Variants in THSD7B observed in about 807,000 individuals in gnomAD.
THSD7B encodes the protein thrombospondin type-1 domain-containing protein 7B.
THSD7B carries 138 observed loss-of-function variants against 213.6 expected under a neutral mutation model. The ratio of observed to expected loss-of-function variants is 0.65; its 90% CI spans 0.56 to 0.74. THSD7B has a LOEUF of 0.74. Ranked by LOEUF, THSD7B falls within the 30% of genes least tolerant of loss-of-function variation. The pLI, the probability that THSD7B is intolerant of heterozygous loss-of-function variation, is 0.00. For synonymous variants in THSD7B, 742 were observed against 687.0 expected (o/e 1.08, Z -1.25); for missense variants, 1,931 against 1,991.5 (o/e 0.97, Z 0.58).
At chr2:136,907,003 G>A (rs1364860955) in intron 2 of THSD7B, among the ~76,000 whole-genome samples, 2 of 127,264 alleles carry the variant, frequency 1.6e-5, no homozygotes, top group Non-Finnish European at 3.1e-5. Context: ...GGAGTGCAGT[G>A]GTGTGATCTT....
intron 1 of THSD7B, among the ~76,000 whole-genome samples, chr2:136,843,390 T>C (rs539019343): frequency 2.0e-5 from 3 of 152,244 alleles, no homozygotes; most frequent in Non-Finnish European, 4.4e-5. Context: ...AATGGAATCG[T>C]ATTCGTGAAT....
At chr2:137,329,069 A>C (rs1289477558) in intron 12 of THSD7B, among the ~76,000 whole-genome samples, 2 of 152,214 alleles carry the variant, frequency 1.3e-5, no homozygotes, top group African/African-American at 4.8e-5. Flanking sequence ...TAACTTTGGA[A>C]CTGGGTAACA....
intron 2 of THSD7B, among the ~76,000 whole-genome samples, chr2:137,050,998 G>T (rs1249353846): frequency 1.3e-5 from 2 of 152,132 alleles, no homozygotes; most frequent in Non-Finnish European, 2.9e-5. Flanking sequence ...AGTTATTAAT[G>T]ATCATGATTG....
At chr2:137,478,924 C>T (rs1688246971) in intron 15 of THSD7B, among the ~76,000 whole-genome samples, 1 of 152,168 alleles carries the variant, frequency 6.6e-6, no homozygotes, top group African/African-American at 2.4e-5. Flanking sequence ...TCAAGTAGGC[C>T]AACCCTTGGA....
intron 2 of THSD7B, among the ~76,000 whole-genome samples, chr2:136,994,093 G>A (rs1685835882): frequency 6.6e-6 from 1 of 152,138 alleles, no homozygotes; most frequent in Non-Finnish European, 1.5e-5. Flanking sequence ...CATCACAGAT[G>A]ACTTGCCTCT....
intron 7 of THSD7B, among the ~76,000 whole-genome samples, chr2:137,184,906 G>T (rs1347394066): frequency 6.6e-6 from 1 of 152,162 alleles, no homozygotes; most frequent in East Asian, 1.9e-4. Context: ...CTCCCAAAAT[G>T]AAATTATTGG....
At chr2:136,973,285 T>C (rs1685432075) in intron 2 of THSD7B, among the ~76,000 whole-genome samples, 1 of 152,186 alleles carries the variant, frequency 6.6e-6, no homozygotes, top group African/African-American at 2.4e-5. Flanking sequence ...CGCTTTCCTT[T>C]CAAGTGTATA....
intron 21 of THSD7B, among the ~76,000 whole-genome samples, chr2:137,646,625 T>G (rs896313645): frequency 1.4e-5 from 2 of 146,232 alleles, no homozygotes; most frequent in Non-Finnish European, 3.0e-5. Context: ...GCACTCCAGC[T>G]TAGGTAACAA....
chr2:137,378,834 G>A (rs1023377041), intron 12 of THSD7B, among the ~76,000 whole-genome samples: 1 of 152,118 alleles, frequency 6.6e-6, no homozygotes, highest in African/African-American at 2.4e-5. Context: ...ATTCCCTCCT[G>A]GACTTAGCCA....
At chr2:137,494,982 A>G (rs983429016) in intron 15 of THSD7B, among the ~76,000 whole-genome samples, 2 of 152,022 alleles carry the variant, frequency 1.3e-5, no homozygotes, top group Non-Finnish European at 2.9e-5. Flanking sequence ...TCTACCCCAC[A>G]CCACACAGAG....
rs573170327 is a variant in THSD7B, at chr2:137,671,148, GA to G, written c.4739+3289del. Among the ~76,000 whole-genome samples the G allele has an allele frequency of 3.0e-3, 459 of 151,226 alleles. 2 individuals carry two copies. Among genetic ancestry groups the G allele is most frequent in the Middle Eastern group, 6.9e-3 (2 of 290 alleles). ...TGGATCTCTTTGTGCTGCTGTTTCA[GA>G]AGTTTTATCCTAACATCCAAATACC... On this transcript the variant is annotated intron_variant, in intron 27 of 27. Transcript: ENST00000409968.
chr2:137,050,676 A>T (rs1403634392), intron 2 of THSD7B, among the ~76,000 whole-genome samples: 1 of 152,012 alleles, frequency 6.6e-6, no homozygotes, highest in Non-Finnish European at 1.5e-5. Flanking sequence ...TTGCTGTTGA[A>T]TTTTTCTGAG....
chr2:137,648,391 C>T (rs893394391), intron 21 of THSD7B, among the ~76,000 whole-genome samples: 18 of 91,770 alleles, frequency 2.0e-4, no homozygotes, highest in African/African-American at 8.8e-4. Context: ...CTCACCCCTA[C>T]GTTCCTTGCC....
At chr2:136,802,725 C>CCTA (rs1208055277) in intron 1 of THSD7B, among the ~76,000 whole-genome samples, 1 of 128,382 alleles carries the variant, frequency 7.8e-6, no homozygotes, top group African/African-American at 2.8e-5. Context: ...GTGGGCAAAG[C>CCTA]CTACTATGAT....
At chr2:136,870,767 G>A (rs1443413251) in intron 1 of THSD7B, among the ~76,000 whole-genome samples, 1 of 152,166 alleles carries the variant, frequency 6.6e-6, no homozygotes, top group Non-Finnish European at 1.5e-5. Flanking sequence ...TGAGAAAGGA[G>A]GAAGGAGAAG....
In THSD7B at chr2:136,895,540, T is replaced by TA. The variant is rs1553456268; in HGVS notation, c.139+13224dup. Among the ~76,000 whole-genome samples the TA allele has an allele frequency of 6.3e-3, 911 of 144,368 alleles. 37 individuals are homozygous for TA. In the East Asian group the frequency reaches 0.07, roughly 11 times the overall value. The allele number at this position is 144,368 out of a possible 152,430, so 94.7% of individuals were successfully genotyped here. ...TTTTTTTTTTTTTTTTTTTTTTTTT[T>TA]ACAGAATTCCATGCTATTACAATAC... On this transcript the variant is annotated intron_variant, in intron 2 of 27. Transcript: ENST00000409968.
chr2:137,285,159 CTTCT>C (rs1159977691), intron 12 of THSD7B, among the ~76,000 whole-genome samples: 3 of 152,064 alleles, frequency 2.0e-5, no homozygotes, highest in Non-Finnish European at 4.4e-5. Context: ...ATGTAATGGC[CTTCT>C]TTGTCTCTTT....
At chr2:137,003,870 C>T (rs1418208083) in intron 2 of THSD7B, among the ~76,000 whole-genome samples, 1 of 152,106 alleles carries the variant, frequency 6.6e-6, no homozygotes, top group Non-Finnish European at 1.5e-5. Context: ...GTGGTATATC[C>T]AGGATTCAAA....
chr2:137,583,742 C>CTTG (rs1681643552), intron 17 of THSD7B, among the ~76,000 whole-genome samples: 1 of 152,002 alleles, frequency 6.6e-6, no homozygotes, highest in South Asian at 2.1e-4. Context: ...GTTACTGTAG[C>CTTG]CTTGTAGTAT....
Sources: gnomAD v4.1 joint callset for allele counts (sites outside exome capture counted in the v4.1 genomes callset) on GRCh38, gnomAD v4.1.1 for gene constraint, MANE v1.5 for transcripts, NCBI Gene and HGNC (gene_info 2026-07-23, HGNC 2026-07-21) for gene names.